CSMD3: variants seen among roughly 807,000 people sequenced by gnomAD.
The protein encoded by CSMD3 is CUB and sushi domain-containing protein 3.
A neutral mutation model predicts 435.2 loss-of-function variants in CSMD3; 177 were observed. That is an observed-to-expected ratio of 0.41 (90% CI 0.36 to 0.46). The LOEUF (loss-of-function observed/expected upper bound fraction) is 0.46. CSMD3 is among the 20% of genes least tolerant of loss of function. CSMD3 has a pLI of 0.34. For synonymous variants in CSMD3, 1,656 were observed against 1,520.5 expected, an observed-to-expected ratio of 1.09 and a Z score of -2.07; for missense variants, 4,265 against 4,504.6, an observed-to-expected ratio of 0.95 and a Z score of 1.52.
chr8:113,211,540 A>G lies in CSMD3; in HGVS notation c.515-37624T>C, dbSNP rs554800089. ...CCCTGTCTATTCTAAAAATACAAAA[A>G]TAGCCAGGCATCATGGCGTGTGCTT... On this transcript the variant is annotated intron_variant, in intron 3 of 70. Coordinates refer to ENST00000297405, the MANE Select transcript of CSMD3 (RefSeq NM_198123.2). 3.3e-5 allele frequency among the ~76,000 whole-genome samples: 5 copies of G among 152,114 alleles called. No homozygotes were observed. In the South Asian group the frequency reaches 1.0e-3, roughly 32 times the overall value.
rs369383805 is a variant in CSMD3, at chr8:113,152,788, G to T, written c.709+20934C>A. Among the ~76,000 whole-genome samples the T allele has an allele frequency of 5.9e-5, 9 of 151,866 alleles. No individual in the cohort carries two copies. The South Asian group carries it at 1.9e-3, about 32-fold the overall frequency. Reference sequence around the variant, plus strand: ...GAGGCCAGGAGTTTGAAACTAGCCTGGCCAACATTGTGAAACCCCATCCCT... The same window carrying T: ...GAGGCCAGGAGTTTGAAACTAGCCTTGCCAACATTGTGAAACCCCATCCCT... On this transcript the variant is annotated intron_variant, in intron 4 of 70. Transcript: ENST00000297405.
At chr8:112,844,660 G>C (rs1468842914) in intron 11 of CSMD3, among the ~76,000 whole-genome samples, 1 of 151,904 alleles carries the variant, frequency 6.6e-6, no homozygotes, top group African/African-American at 2.4e-5. Flanking sequence ...GTTAGACTAT[G>C]ACTCTGAGAA....
intron 6 of CSMD3, 41 bp downstream of exon 6, chr8:113,019,026 T>G (rs2086581640): frequency 7.9e-7 from 1 of 1,262,948 alleles, no homozygotes; most frequent in African/African-American, 1.5e-5. Context: ...ACCAAAATTA[T>G]TTTACATATC....
In CSMD3 at chr8:112,687,528, C is replaced by T. The variant is rs182387716; in HGVS notation, c.2156-1796G>A. Among the ~76,000 whole-genome samples, 286 of 152,160 alleles carry T rather than the reference C, an allele frequency of 1.9e-3. 1 individual carries two copies. The highest frequency in any genetic ancestry group is 3.6e-3 in the Non-Finnish European group (242 of 68,000). On this transcript the variant is annotated intron_variant, in intron 14 of 70. Coordinates refer to ENST00000297405, the MANE Select transcript of CSMD3 (RefSeq NM_198123.2). ...ATCATATGTTTTATTAACATTCAGA[C>T]ATTATACCAATATCTATTTATCTAC...
intron 20 of CSMD3, among the ~76,000 whole-genome samples, chr8:112,644,277 T>C (rs1374465657): frequency 6.6e-6 from 1 of 151,914 alleles, no homozygotes; most frequent in Non-Finnish European, 1.5e-5. Context: ...ACTTATACAC[T>C]TCTAATTATA....
In CSMD3 at chr8:113,249,441, T is replaced by TAAAAA. The variant is rs1277976725; in HGVS notation, c.514+29150_514+29151insTTTTT. Among the ~76,000 whole-genome samples the TAAAAA allele has an allele frequency of 3.0e-3, 461 of 152,200 alleles. 2 individuals carry two copies. The highest frequency in any genetic ancestry group is 9.4e-3 in the African/African-American group (389 of 41,552). ...TGAAAGATGGTCCCAGAAACAAGTT[T>TAAAAA]TAGATAGTAGTTACTTGCCTCCCCT... On this transcript the variant is annotated intron_variant, in intron 3 of 70. Transcript: ENST00000297405.
intron 12 of CSMD3, among the ~76,000 whole-genome samples, chr8:112,810,273 C>T (rs2079188592): frequency 6.6e-6 from 1 of 151,978 alleles, no homozygotes; most frequent in South Asian, 2.1e-4. Flanking sequence ...GTAAAAGTAA[C>T]TAATATGTGT....
At chr8:112,646,459 T>C (rs1176542724) in intron 19 of CSMD3, among the ~76,000 whole-genome samples, 1 of 152,190 alleles carries the variant, frequency 6.6e-6, no homozygotes, top group East Asian at 1.9e-4. Flanking sequence ...TGTATATCAG[T>C]ATTCTTTCAA....
intron 50 of CSMD3, among the ~76,000 whole-genome samples, chr8:112,308,385 CAT>C (rs1396781607): frequency 2.0e-5 from 3 of 152,094 alleles, no homozygotes; most frequent in African/African-American, 7.2e-5. Context: ...ATAGATTCCA[CAT>C]ATATGTTTAG....
intron 13 of CSMD3, among the ~76,000 whole-genome samples, chr8:112,699,270 G>A (rs1471092293): frequency 1.3e-5 from 2 of 152,048 alleles, no homozygotes. Context: ...GCAAGACCAC[G>A]AACCCACCAG....
chr8:112,370,070 AAGAAGAAGAAGAAGT>A (rs1326172526), intron 38 of CSMD3, among the ~76,000 whole-genome samples: 5 of 145,242 alleles, frequency 3.4e-5, no homozygotes, highest in South Asian at 2.2e-4. Flanking sequence ...GAAGAAGAAG[AAGAAGAAGAAGAAGT>A]AGTAGTAGTA....
intron 63 of CSMD3, among the ~76,000 whole-genome samples, chr8:112,252,693 A>G (rs1054548629): frequency 1.8e-4 from 27 of 148,590 alleles, no homozygotes; most frequent in Non-Finnish European, 3.3e-4. Context: ...ATATATATAT[A>G]TATATATATA....
intron 4 of CSMD3, among the ~76,000 whole-genome samples, chr8:113,159,671 C>A (rs903889728): frequency 5.9e-5 from 9 of 151,932 alleles, no homozygotes; most frequent in African/African-American, 1.7e-4. Flanking sequence ...AAGCTTTATT[C>A]TTTTTCCTAA....
At chr8:112,572,865 A>G (rs1829645555) in intron 24 of CSMD3, among the ~76,000 whole-genome samples, 1 of 152,132 alleles carries the variant, frequency 6.6e-6, no homozygotes, top group South Asian at 2.1e-4. Context: ...TGTTTCTTAT[A>G]TAACGGTACT....
At chr8:112,554,050 A>T (rs2131210157) in intron 25 of CSMD3, among the ~76,000 whole-genome samples, 1 of 152,130 alleles carries the variant, frequency 6.6e-6, no homozygotes, top group Admixed American at 6.6e-5. Flanking sequence ...ATTCTTTCTC[A>T]AAACTTCAGC....
At chr8:112,353,845 A>G (rs1411948261) in intron 38 of CSMD3, among the ~76,000 whole-genome samples, 1 of 152,178 alleles carries the variant, frequency 6.6e-6, no homozygotes, top group Non-Finnish European at 1.5e-5. Context: ...AACTCGTTCT[A>G]CAAAGGCCAC....
chr8:112,394,547 A>G (rs1470724054), intron 35 of CSMD3, among the ~76,000 whole-genome samples: 1 of 152,010 alleles, frequency 6.6e-6, no homozygotes, highest in African/African-American at 2.4e-5. Context: ...CTTTGCTATC[A>G]TTTACTGTGT....
At chr8:113,055,518 T>C (rs2088287912) in intron 5 of CSMD3, among the ~76,000 whole-genome samples, 1 of 152,220 alleles carries the variant, frequency 6.6e-6, no homozygotes, top group African/African-American at 2.4e-5. Flanking sequence ...CCCCAAGCTT[T>C]AAATATCATC....
intron 3 of CSMD3, among the ~76,000 whole-genome samples, chr8:113,273,990 T>G (rs2093550239): frequency 6.6e-6 from 1 of 152,040 alleles, no homozygotes; most frequent in Admixed American, 6.6e-5. Flanking sequence ...TTTTTGAAAC[T>G]TAAGAAGCAA....
Sources: allele counts gnomAD v4.1 joint callset (sites outside exome capture counted in the v4.1 genomes callset), GRCh38; gene constraint gnomAD v4.1.1; transcripts MANE v1.5; gene names NCBI Gene and HGNC (gene_info 2026-07-23, HGNC 2026-07-21).